Variants in TMEM248 observed in about 807,000 individuals in gnomAD.
The protein encoded by TMEM248 is transmembrane protein 248, also known as UPF0458 protein C7orf42.
Under a neutral mutation model 30.3 loss-of-function variants are expected in TMEM248, and 9 were observed. That is an observed-to-expected ratio of 0.30 (90% CI 0.18 to 0.52). The LOEUF (loss-of-function observed/expected upper bound fraction) is 0.52. Ranked by LOEUF, TMEM248 falls within the 20% of genes least tolerant of loss-of-function variation. TMEM248 has a pLI of 0.97. For synonymous variants in TMEM248, 184 were observed against 154.4 expected (o/e 1.19, Z -1.42); for missense variants, 338 against 403.3 (o/e 0.84, Z 1.39).
intron 1 of TMEM248, 83 bp from the exon 2 acceptor site, chr7:66,941,765 C>A (rs559406051): frequency 1.6e-5 from 21 of 1,321,458 alleles, no homozygotes; most frequent in Admixed American, 2.3e-5. Context: ...AGCTCACCCC[C>A]CAACACCTCA....
chr7:66,932,518 T>C (rs1351222573), intron 1 of TMEM248, among the ~76,000 whole-genome samples: 2 of 118,490 alleles, frequency 1.7e-5, no homozygotes, highest in East Asian at 2.5e-4. Context: ...CCCTGAGAAC[T>C]TTTTTTTTTT....
At chr7:66,923,708 T>G (rs539659912) in intron 1 of TMEM248, among the ~76,000 whole-genome samples, 1 of 152,148 alleles carries the variant, frequency 6.6e-6, no homozygotes, top group Non-Finnish European at 1.5e-5. Flanking sequence ...TGAGATGGAG[T>G]CTTGCTCTGT....
rs1411760137 is a variant in TMEM248 at position 66,956,912 on chromosome 7, T to G, written c.*1390T>G. The G allele has an allele frequency of 2.0e-5, 3 of 152,378 alleles. No individual in the cohort carries two copies. The highest frequency in any genetic ancestry group is 2.1e-4 in the South Asian group (1 of 4,832). 9.4% of individuals were successfully genotyped at this position (152,378 alleles called of 1,614,324 possible). The stretch of plus-strand genomic sequence containing the variant: ...CTGGTCTGGAACTCCTAGCTTCAAA[T>G]GATCCTCTCACCTCGGCCTCCCAAA... On this transcript the variant is annotated 3_prime_UTR_variant, in exon 7 of 7. Transcript: ENST00000341567.
intron 3 of TMEM248, among the ~76,000 whole-genome samples, chr7:66,946,935 T>C (rs932445112): frequency 6.6e-6 from 1 of 151,938 alleles, no homozygotes; most frequent in Non-Finnish European, 1.5e-5. Context: ...TTGCTTAGGC[T>C]AGATGCAGTG....
intron 1 of TMEM248, among the ~76,000 whole-genome samples, chr7:66,927,977 A>C (rs1214356762): frequency 6.6e-6 from 1 of 152,106 alleles, no homozygotes; most frequent in East Asian, 1.9e-4. Flanking sequence ...CACTTTGGGA[A>C]GCCAAGGCAG....
Position 66,957,712 on chromosome 7 carries a change from A to G in TMEM248, c.*2190A>G, listed in dbSNP as rs766551090. ...AAAGCCAATTTCACTGGTTCGTTCAATCCAGCTTGTTGCTAATATTAGTTA... is the reference window on the plus strand; with the variant it reads ...AAAGCCAATTTCACTGGTTCGTTCAGTCCAGCTTGTTGCTAATATTAGTTA... On this transcript the variant is annotated 3_prime_UTR_variant, in exon 7 of 7. Coordinates refer to ENST00000341567, the MANE Select transcript of TMEM248 (RefSeq NM_017994.5). 11 of 152,214 alleles carry G rather than the reference A, an allele frequency of 7.2e-5. No individual in the cohort carries two copies. The highest frequency in any genetic ancestry group is 8.8e-5 in the Non-Finnish European group (6 of 68,054). The allele number at this position is 152,214 out of a possible 1,614,324, so 9.4% of individuals were successfully genotyped here. A position where few individuals can be genotyped will look rare whatever the true frequency, so the allele number is the denominator to read the frequency against.
intron 1 of TMEM248, among the ~76,000 whole-genome samples, chr7:66,925,251 G>A (rs1184005373): frequency 1.3e-5 from 2 of 151,978 alleles, no homozygotes; most frequent in Non-Finnish European, 2.9e-5. Flanking sequence ...AAACTCCTGG[G>A]CACAAGTGAT....
At chr7:66,939,674 A>G (rs1466723429) in intron 1 of TMEM248, among the ~76,000 whole-genome samples, 1 of 152,240 alleles carries the variant, frequency 6.6e-6, no homozygotes, top group Non-Finnish European at 1.5e-5. Flanking sequence ...CACTGGGCTC[A>G]TAAATGAGGG....
intron 2 of TMEM248, among the ~76,000 whole-genome samples, chr7:66,944,103 C>CTTTT (rs397891070): frequency 8.9e-6 from 1 of 112,360 alleles, no homozygotes; most frequent in Admixed American, 9.8e-5. Flanking sequence ...CCTCAGATGG[C>CTTTT]TTTTTTTTTT....
rs1305624740 is a variant in TMEM248, at chr7:66,953,349, C to G, written c.904C>G (p.Pro302Ala). The change falls in exon 6 of 7, where the codon CCT (proline) becomes GCT (alanine). Residue 302 changes from proline to alanine, a missense_variant. Transcript: ENST00000341567. ...GRPSKLRQSNPEFCPEKVALA... is the reference protein window; with the variant it reads ...GRPSKLRQSNAEFCPEKVALA... ...ACCTAGCAAATTGCGTCAGAGCAAT[C>G]CTGAATTTTGTCCCGAGAAGGTGAG... is the stretch of plus-strand genomic sequence containing the variant. 3 of 1,614,088 alleles carry G rather than the reference C, an allele frequency of 1.9e-6. No homozygotes were observed. The highest frequency in any genetic ancestry group is 1.7e-6 in the Non-Finnish European group (2 of 1,179,986).
chr7:66,951,359 C>G, intron 5 of TMEM248: 1 of 403,880 alleles, frequency 2.5e-6, no homozygotes, highest in Non-Finnish European at 4.3e-6. Context: ...TTCATTTTCT[C>G]TGTTGTTCAG....
chr7:66,948,572 C>T lies in TMEM248; in HGVS notation c.474C>T (p.Ile158=), dbSNP rs575035712. 1 of 1,613,930 alleles carries T rather than the reference C, an allele frequency of 6.2e-7. No homozygotes were observed. Among genetic ancestry groups the T allele is most frequent in the Non-Finnish European group, 8.5e-7 (1 of 1,179,912 alleles). The part of the protein sequence containing the change: ...SGREAHEEIN[I]TFTLPTAWSS... Reference sequence around the variant, plus strand: ...GGGAAGCCCACGAGGAGATAAACATCACCTTCACCCTGCCTACAGCGTGGA... The same window carrying T: ...GGGAAGCCCACGAGGAGATAAACATTACCTTCACCCTGCCTACAGCGTGGA... The change falls in exon 4 of 7, where the codon ATC becomes ATT. Residue 158 remains isoleucine, a synonymous_variant. Coordinates refer to ENST00000341567, the MANE Select transcript of TMEM248 (RefSeq NM_017994.5).
At chr7:66,931,278 A>G (rs1193330728) in intron 1 of TMEM248, among the ~76,000 whole-genome samples, 1 of 142,344 alleles carries the variant, frequency 7.0e-6, no homozygotes, top group Non-Finnish European at 1.5e-5. Flanking sequence ...AGCCTGGGTG[A>G]CAGTGCGAGA....
intron 1 of TMEM248, among the ~76,000 whole-genome samples, chr7:66,931,185 C>G (rs139480146): frequency 3.3e-5 from 5 of 150,978 alleles, no homozygotes; most frequent in African/African-American, 1.2e-4. Context: ...CACCTGTAGT[C>G]TCAGCTATTT....
At chr7:66,952,278 T>C (rs1481844169) in intron 5 of TMEM248, among the ~76,000 whole-genome samples, 1 of 152,180 alleles carries the variant, frequency 6.6e-6, no homozygotes, top group Admixed American at 6.5e-5. Context: ...TTCGACATGT[T>C]GGCCAGGTTG....
chr7:66,946,064 G>A (rs1197947898), intron 3 of TMEM248, among the ~76,000 whole-genome samples: 3 of 148,004 alleles, frequency 2.0e-5, no homozygotes, highest in Non-Finnish European at 4.5e-5. Context: ...CAGCCTGGGC[G>A]ACAGAGGGAG....
Position 66,948,519 on chromosome 7 carries a change from T to TA in TMEM248, c.446-18dup, listed in dbSNP as rs780611154. ...GACAAGTACGTGGTTCTTGACTTTA[T>TA]AAAAAAATGATTTCTCTTTCATAGG... On this transcript the variant is annotated intron_variant, in intron 3 of 6. Transcript: ENST00000341567. 6.2e-6 allele frequency: 10 copies of TA among 1,605,848 alleles called. No homozygotes were observed. In the Admixed American group the frequency reaches 8.5e-5, roughly 14 times the overall value.
At chr7:66,930,021 G>A (rs1252437921) in intron 1 of TMEM248, among the ~76,000 whole-genome samples, 1 of 152,056 alleles carries the variant, frequency 6.6e-6, no homozygotes, top group African/African-American at 2.4e-5. Flanking sequence ...TTAGCCAGGA[G>A]TGGTAGCATG....
At position 66,948,570 on chromosome 7, in the gene TMEM248, A is replaced by G. The variant is rs1287644741; in HGVS notation, c.472A>G (p.Ile158Val). The G allele has an allele frequency of 2.5e-6, 4 of 1,614,018 alleles. No individual in the cohort carries two copies. Among genetic ancestry groups the G allele is most frequent in the Non-Finnish European group, 3.4e-6 (4 of 1,179,932 alleles). ...SGREAHEEIN[I>V]TFTLPTAWSS... ...CAGGGAAGCCCACGAGGAGATAAAC[A>G]TCACCTTCACCCTGCCTACAGCGTG... is the stretch of plus-strand genomic sequence containing the variant. Residue 158 changes from isoleucine to valine, a missense_variant, in exon 4 of 7, where the codon ATC becomes GTC. Coordinates refer to ENST00000341567, the MANE Select transcript of TMEM248 (RefSeq NM_017994.5).
Sources: allele counts gnomAD v4.1 joint callset (sites outside exome capture counted in the v4.1 genomes callset), GRCh38; gene constraint gnomAD v4.1.1; transcripts MANE v1.5; gene names NCBI Gene and HGNC (gene_info 2026-07-23, HGNC 2026-07-21).